BRWD3: variants seen among roughly 807,000 people sequenced by gnomAD.
BRWD3 encodes bromodomain and WD repeat-containing protein 3.
A neutral mutation model predicts 149.7 loss-of-function variants in BRWD3; 10 were observed. The observed-to-expected ratio is 0.07, with a 90% CI of 0.04 to 0.11. The LOEUF (loss-of-function observed/expected upper bound fraction) is 0.11. Ranked by LOEUF, BRWD3 falls within the 10% of genes least tolerant of loss-of-function variation. The pLI, the probability that BRWD3 is intolerant of heterozygous loss-of-function variation, is 1.00. For missense variants in BRWD3, 940 were observed against 1,373.2 expected, an observed-to-expected ratio of 0.68 and a Z score of 4.99; for synonymous variants, 504 against 456.7, an observed-to-expected ratio of 1.10 and a Z score of -1.32.
At chrX:80,802,780 T>C (rs1229023012) in intron 4 of BRWD3, among the ~76,000 whole-genome samples, 2 of 110,353 alleles carry the variant, frequency 1.8e-5, no homozygotes, top group African/African-American at 6.6e-5. Flanking sequence ...AATATTAGGG[T>C]CTTTTCTACT....
At position 80,692,120 on chromosome X, in the gene BRWD3, G is replaced by A; in HGVS notation, c.3294C>T (p.Ser1098=). The change falls in exon 29 of 41, where the codon AGC becomes AGT. Residue 1098 remains serine (S), a synonymous_variant. Coordinates refer to ENST00000373275, the MANE Select transcript of BRWD3 (RefSeq NM_153252.5). Reference sequence around the variant, plus strand: ...CTGGAATTGGCTCCATATCCCATGGGCTCATCTTTTCTCTCTCATTATTGT... The same window carrying A: ...CTGGAATTGGCTCCATATCCCATGGACTCATCTTTTCTCTCTCATTATTGT... ...HWDNNEREKM[S]PWDMEPIPEG... is the part of the protein sequence containing the mutation. 1 of 1,205,537 alleles carries A rather than the reference G, an allele frequency of 8.3e-7. No homozygotes were observed. The highest frequency in any genetic ancestry group is 1.1e-6 in the Non-Finnish European group (1 of 891,193).
At chrX:80,707,632 C>T (rs1004279814) in intron 21 of BRWD3, 129 bp from the exon 22 acceptor site, 1 of 581,806 alleles carries the variant, frequency 1.7e-6, no homozygotes, top group African/African-American at 2.3e-5. Flanking sequence ...TCTTAAAACG[C>T]ACATAATTAT....
intron 18 of BRWD3, among the ~76,000 whole-genome samples, chrX:80,718,117 A>G (rs1389887951): frequency 8.9e-6 from 1 of 111,878 alleles, no homozygotes; most frequent in Non-Finnish European, 1.9e-5. Context: ...TCTAAATTCT[A>G]TCTTTGTTCT....
At chrX:80,757,284 C>T (rs1163791748) in intron 6 of BRWD3, among the ~76,000 whole-genome samples, 5 of 111,940 alleles carry the variant, frequency 4.5e-5, no homozygotes, top group Non-Finnish European at 7.5e-5. Context: ...CTTCTAAAAA[C>T]TCATTAAAAC....
At chrX:80,711,901 A>G (rs1275703993) in intron 20 of BRWD3, among the ~76,000 whole-genome samples, 1 of 111,599 alleles carries the variant, frequency 9.0e-6, no homozygotes, top group Non-Finnish European at 1.9e-5. Context: ...TCCAACCAGT[A>G]GCCTGGCCAT....
rs1384132076 is a variant in BRWD3 at position 80,673,658 on chromosome X, C to A, written c.*2951G>T. 2 of 111,622 alleles carry A rather than the reference C, an allele frequency of 1.8e-5. No individual in the cohort carries two copies. The highest frequency in any genetic ancestry group is 3.8e-5 in the Non-Finnish European group (2 of 53,027). The allele number at this position is 111,622 out of a possible 1,213,427, so 9.2% of individuals were successfully genotyped here. ...AATTCAGATTTTATAAATATATACA[C>A]ACACTAAGATCTTAAAGCTGGGAAT... On this transcript the variant is annotated 3_prime_UTR_variant, in exon 41 of 41. Transcript: ENST00000373275.
At chrX:80,708,417 T>C (rs867514048) in intron 21 of BRWD3, among the ~76,000 whole-genome samples, 2 of 47,871 alleles carry the variant, frequency 4.2e-5, no homozygotes, top group East Asian at 1.2e-3. Context: ...TTTTAAAGGG[T>C]GGGGGAAGCA....
chrX:80,684,418 C>G (rs1378317445), intron 36 of BRWD3, among the ~76,000 whole-genome samples: 1 of 111,845 alleles, frequency 8.9e-6, no homozygotes, highest in Non-Finnish European at 1.9e-5. Flanking sequence ...AATCCATAGC[C>G]GTTGGCTTCA....
At chrX:80,682,147 T>G in intron 38 of BRWD3, 53 bp from the exon 39 acceptor site, 11 of 989,702 alleles carry the variant, frequency 1.1e-5, no homozygotes, top group Non-Finnish European at 1.6e-5. Flanking sequence ...GTTAGCAACA[T>G]ATTATGATAG....
chrX:80,736,312 A>G (rs957950633), intron 8 of BRWD3, among the ~76,000 whole-genome samples: 4 of 111,959 alleles, frequency 3.6e-5, no homozygotes, highest in Non-Finnish European at 7.5e-5. Context: ...AACTTAGGGT[A>G]AAATGTTTTA....
intron 37 of BRWD3, 23 bp downstream of exon 37, chrX:80,683,987 A>G: frequency 1.7e-6 from 2 of 1,201,056 alleles, no homozygotes; most frequent in African/African-American, 3.5e-5. Flanking sequence ...CTGCCTGATA[A>G]TTAACCCAAC....
chrX:80,679,316 C>T (rs1333574993), intron 40 of BRWD3, among the ~76,000 whole-genome samples: 3 of 111,983 alleles, frequency 2.7e-5, no homozygotes, highest in Non-Finnish European at 5.6e-5. Flanking sequence ...AATGAAGAGT[C>T]AAAAAACACT....
Position 80,713,684 on chromosome X carries a change from C to G in BRWD3, c.2325+2473G>C, listed in dbSNP as rs930380250. Among the ~76,000 whole-genome samples, 3 of 109,420 alleles carry G rather than the reference C, an allele frequency of 2.7e-5. No homozygotes were observed. In the East Asian group the frequency reaches 8.5e-4, roughly 31 times the overall value. The stretch of plus-strand genomic sequence containing the variant: ...TCTGCGAGAGACACCCAAGAATGAT[C>G]AATAAAAAAATAAAAAATAAAAAAA... On this transcript the variant is annotated intron_variant, in intron 20 of 40. Coordinates refer to ENST00000373275, the MANE Select transcript of BRWD3 (RefSeq NM_153252.5).
Position 80,690,973 on chromosome X carries a change from A to G in BRWD3, c.3602+80T>C. ...GTCTTTTGGATGATCATGTTATACT[A>G]TGGAAATGCAGATCTCAAAAAGGAA... On this transcript the variant is annotated intron_variant, in intron 31 of 40. Coordinates refer to ENST00000373275, the MANE Select transcript of BRWD3 (RefSeq NM_153252.5). 2.7e-6 allele frequency: 3 copies of G among 1,090,951 alleles called. No homozygotes were observed. The South Asian group carries it at 5.9e-5, about 21-fold the overall frequency. 89.9% of individuals were successfully genotyped at this position (1,090,951 alleles called of 1,213,427 possible). A position where few individuals can be genotyped will look rare whatever the true frequency, so the allele number is the denominator to read the frequency against.
intron 6 of BRWD3, among the ~76,000 whole-genome samples, chrX:80,779,611 G>A (rs1388685731): frequency 9.0e-6 from 1 of 111,240 alleles, no homozygotes; most frequent in Non-Finnish European, 1.9e-5. Context: ...GCTAGTTTTT[G>A]GTGAAGCTTC....
At chrX:80,782,419 C>T (rs12687186) in intron 6 of BRWD3, among the ~76,000 whole-genome samples, 9,334 of 110,709 alleles carry the variant, frequency 0.084, 375 homozygotes, top group South Asian at 0.19. Flanking sequence ...AAGAAAACAT[C>T]GGTGAAACTC....
chrX:80,741,332 C>T (rs2073496090), intron 8 of BRWD3, among the ~76,000 whole-genome samples: 1 of 111,761 alleles, frequency 8.9e-6, no homozygotes, highest in African/African-American at 3.3e-5. Flanking sequence ...GGGTTGGTTC[C>T]AAGTCTTTGC....
chrX:80,696,640 G>T, intron 26 of BRWD3, 99 bp downstream of exon 26: 1 of 944,632 alleles, frequency 1.1e-6, no homozygotes, highest in South Asian at 2.0e-5. Context: ...AGTAAAGAAT[G>T]CTATAGTGTT....
chrX:80,759,004 G>A (rs2073774615), intron 6 of BRWD3, among the ~76,000 whole-genome samples: 1 of 111,252 alleles, frequency 9.0e-6, no homozygotes, highest in South Asian at 3.8e-4. Flanking sequence ...CTTCTGGGAG[G>A]TCTCTAGTTT....
Sources: allele counts gnomAD v4.1 joint callset (sites outside exome capture counted in the v4.1 genomes callset), GRCh38; gene constraint gnomAD v4.1.1; transcripts MANE v1.5; gene names NCBI Gene and HGNC (gene_info 2026-07-23, HGNC 2026-07-21).